Variants in NKAIN3 observed in about 807,000 individuals in gnomAD.
NKAIN3 encodes the protein sodium/potassium-transporting ATPase subunit beta-1-interacting protein 3.
In NKAIN3, 25 loss-of-function variants were observed where a neutral mutation model predicts 30.2. The observed-to-expected ratio is 0.83, with a 90% CI of 0.60 to 1.16. NKAIN3 has a LOEUF of 1.16. Among genes scored for constraint, NKAIN3 ranks in the 50% most tolerant of loss-of-function variants. The pLI, the probability that NKAIN3 is intolerant of heterozygous loss-of-function variation, is 0.00. For synonymous variants in NKAIN3, 91 were observed against 89.6 expected (o/e 1.02, Z -0.09); for missense variants, 225 against 254.1 (o/e 0.89, Z 0.78).
intron 1 of NKAIN3, among the ~76,000 whole-genome samples, chr8:62,428,042 T>C (rs558690336): frequency 1.3e-5 from 2 of 151,950 alleles, no homozygotes; most frequent in East Asian, 3.9e-4. Flanking sequence ...CTATTAACTA[T>C]CTCCAGGAGA....
At chr8:62,425,881 T>C (rs1289720635) in intron 1 of NKAIN3, among the ~76,000 whole-genome samples, 2 of 151,946 alleles carry the variant, frequency 1.3e-5, no homozygotes, top group African/African-American at 4.8e-5. Context: ...ACTTGTATGA[T>C]GTTATCTTAA....
downstream of NKAIN3, among the ~76,000 whole-genome samples, chr8:62,989,104 A>G (rs897780360): frequency 6.6e-6 from 1 of 152,214 alleles, no homozygotes; most frequent in African/African-American, 2.4e-5. Flanking sequence ...CCATAGCACT[A>G]TGAGCATTTT....
rs1417948539 is a variant in NKAIN3, at chr8:62,372,869, T to C, written c.54+123742T>C. Among the ~76,000 whole-genome samples, 3 of 152,144 alleles carry C rather than the reference T, an allele frequency of 2.0e-5. No homozygotes were observed. In the East Asian group the frequency reaches 5.8e-4, roughly 29 times the overall value. On this transcript the variant is annotated intron_variant, in intron 1 of 6. Transcript: ENST00000623646. Reference sequence around the variant, plus strand: ...ATAAACCTTTTAACAGTCCCTTCTCTGTCTTTTTGCAGGCATTTTTAAAAA... The same window carrying C: ...ATAAACCTTTTAACAGTCCCTTCTCCGTCTTTTTGCAGGCATTTTTAAAAA...
chr8:62,651,656 T>A (rs2130331848), intron 3 of NKAIN3, among the ~76,000 whole-genome samples: 1 of 152,290 alleles, frequency 6.6e-6, no homozygotes. Flanking sequence ...TTTGGACATG[T>A]GTCCCTTCCA....
At chr8:62,426,082 T>C (rs933221230) in intron 1 of NKAIN3, among the ~76,000 whole-genome samples, 1 of 151,982 alleles carries the variant, frequency 6.6e-6, no homozygotes, top group African/African-American at 2.4e-5. Context: ...TAATGAGCAA[T>C]TATCAAGTGC....
At chr8:62,736,542 C>T (rs189637684) in intron 3 of NKAIN3, among the ~76,000 whole-genome samples, 2 of 152,258 alleles carry the variant, frequency 1.3e-5, no homozygotes, top group Admixed American at 6.5e-5. Context: ...ACCGTGCCCA[C>T]GCAACAGCAC....
At chr8:62,888,705 T>C (rs1821217239) in intron 4 of NKAIN3, among the ~76,000 whole-genome samples, 1 of 152,252 alleles carries the variant, frequency 6.6e-6, no homozygotes, top group Admixed American at 6.5e-5. Flanking sequence ...TTGCTAACTT[T>C]AGGCATCTTT....
chr8:62,266,856 A>C (rs1812623212), intron 1 of NKAIN3, among the ~76,000 whole-genome samples: 1 of 152,216 alleles, frequency 6.6e-6, no homozygotes, highest in South Asian at 2.1e-4. Flanking sequence ...TAATTTGTAT[A>C]TAATTAAAAG....
intron 4 of NKAIN3, chr8:62,856,661 A>T: frequency 1.3e-6 from 1 of 770,736 alleles, no homozygotes; most frequent in Non-Finnish European, 2.4e-6. Flanking sequence ...ACAGCACTTC[A>T]CTGAGTGAGT....
intron 4 of NKAIN3, among the ~76,000 whole-genome samples, chr8:62,798,674 C>G (rs1817951680): frequency 6.6e-6 from 1 of 152,150 alleles, no homozygotes; most frequent in Non-Finnish European, 1.5e-5. Flanking sequence ...TCACCCATGA[C>G]CCTTTTCACC....
At chr8:62,834,554 C>T (rs1202936107) in intron 4 of NKAIN3, among the ~76,000 whole-genome samples, 1 of 151,796 alleles carries the variant, frequency 6.6e-6, no homozygotes, top group Non-Finnish European at 1.5e-5. Context: ...AGAGCCAAAA[C>T]AAAAATGCAA....
intron 5 of NKAIN3, among the ~76,000 whole-genome samples, chr8:62,938,560 A>G (rs1476249247): frequency 2.6e-5 from 4 of 151,516 alleles, no homozygotes; most frequent in Non-Finnish European, 4.4e-5. Context: ...ACCTGAAGAC[A>G]GTTCACACCA....
rs1804373763 is a variant in NKAIN3, at chr8:62,414,652, G to T, written c.55-164887G>T. Among the ~76,000 whole-genome samples the T allele has an allele frequency of 2.0e-5, 3 of 152,104 alleles. 1 individual carries two copies. In the South Asian group the frequency reaches 6.2e-4, roughly 31 times the overall value. ...CTGGTCTTACAAAGCTTTTATCTGA[G>T]TTGGGTACAGGTAAAAAGAACAGTA... is the stretch of plus-strand genomic sequence containing the variant. On this transcript the variant is annotated intron_variant, in intron 1 of 6. Transcript: ENST00000623646.
At chr8:62,861,208 C>T (rs1226956996) in intron 4 of NKAIN3, among the ~76,000 whole-genome samples, 1 of 152,142 alleles carries the variant, frequency 6.6e-6, no homozygotes, top group Non-Finnish European at 1.5e-5. Context: ...CACTTTAGTT[C>T]AATAAGGATA....
chr8:62,614,905 C>A (rs1811403342), intron 3 of NKAIN3, among the ~76,000 whole-genome samples: 1 of 152,126 alleles, frequency 6.6e-6, no homozygotes, highest in African/African-American at 2.4e-5. Flanking sequence ...GGTGAACTCC[C>A]CTCTGGCCCA....
intron 1 of NKAIN3, among the ~76,000 whole-genome samples, chr8:62,324,370 C>CT (rs1472011443): frequency 1.1e-4 from 16 of 151,934 alleles, no homozygotes; most frequent in Non-Finnish European, 4.4e-5. Context: ...TGATTACGAC[C>CT]TAAAAATATG....
chr8:62,530,850 A>G (rs1431436917), intron 1 of NKAIN3, among the ~76,000 whole-genome samples: 1 of 151,944 alleles, frequency 6.6e-6, no homozygotes, highest in African/African-American at 2.4e-5. Context: ...ATGTTAGCCT[A>G]GCCAGTCTGG....
At chr8:62,452,487 A>AATAC (rs1805671903) in intron 1 of NKAIN3, among the ~76,000 whole-genome samples, 1 of 152,074 alleles carries the variant, frequency 6.6e-6, no homozygotes, top group African/African-American at 2.4e-5. Flanking sequence ...AAAATAAATA[A>AATAC]ATAAATAAAT....
rs567996819 is a variant in NKAIN3, at chr8:62,648,325, C to T, written c.273+58531C>T. ...ATTTTATTGAGTGGGTGTTGTCTCT[C>T]TAGAAGAATGTGTGTCGGGAGAAAT... On this transcript the variant is annotated intron_variant, in intron 3 of 6. Transcript: ENST00000623646. Among the ~76,000 whole-genome samples the T allele has an allele frequency of 6.6e-5, 10 of 152,094 alleles. No individual in the cohort carries two copies. The South Asian group carries it at 2.1e-3, about 32-fold the overall frequency.
Sources: gnomAD v4.1 joint callset for allele counts (sites outside exome capture counted in the v4.1 genomes callset) on GRCh38, gnomAD v4.1.1 for gene constraint, MANE v1.5 for transcripts, NCBI Gene and HGNC (gene_info 2026-07-23, HGNC 2026-07-21) for gene names.